ATF6: variants seen among roughly 807,000 people sequenced by gnomAD.
ATF6 encodes the protein activating transcription factor 6.
ATF6 carries 53 observed loss-of-function variants against 83.6 expected under a neutral mutation model. That is an observed-to-expected ratio of 0.63 (90% CI 0.51 to 0.80). The LOEUF (loss-of-function observed/expected upper bound fraction) is 0.80, where lower values mean the gene tolerates loss of function less well. Among genes scored for constraint, ATF6 ranks in the 30% least tolerant of loss-of-function variants. The pLI is 0.00. For synonymous variants in ATF6, 288 were observed against 285.8 expected, an observed-to-expected ratio of 1.01 and a Z score of -0.08; for missense variants, 744 against 797.9, an observed-to-expected ratio of 0.93 and a Z score of 0.81.
intron 14 of ATF6, among the ~76,000 whole-genome samples, chr1:161,893,065 A>G (rs536126035): frequency 6.6e-6 from 1 of 152,206 alleles, no homozygotes; most frequent in Non-Finnish European, 1.5e-5. Flanking sequence ...TCCAGATTTC[A>G]TTTGCAGGTA....
chr1:161,814,602 T>C (rs1371935222), intron 7 of ATF6, among the ~76,000 whole-genome samples: 1 of 152,212 alleles, frequency 6.6e-6, no homozygotes, highest in Admixed American at 6.5e-5. Context: ...TCTTTAATTT[T>C]TGGCAAATGG....
chr1:161,824,172 T>C (rs1237562733), intron 9 of ATF6, among the ~76,000 whole-genome samples: 1 of 152,098 alleles, frequency 6.6e-6, no homozygotes. Flanking sequence ...AAAAATGTTA[T>C]TGTTAGCCTG....
chr1:161,911,659 C>T (rs1385896729), intron 14 of ATF6, among the ~76,000 whole-genome samples: 3 of 152,194 alleles, frequency 2.0e-5, no homozygotes, highest in Non-Finnish European at 4.4e-5. Context: ...ATGTCTAATT[C>T]TGTGGTCCCT....
chr1:161,883,206 A>ACTTACCCTTTTTCCATTTTG (rs1687354893), intron 14 of ATF6, among the ~76,000 whole-genome samples: 1 of 152,000 alleles, frequency 6.6e-6, no homozygotes, highest in Non-Finnish European at 1.5e-5. Context: ...GATAATTTAG[A>ACTTACCCTTTTTCCATTTTG]CTTACCCTTT....
Position 161,961,797 on chromosome 1 carries a change from A to T in ATF6, c.*3143A>T, listed in dbSNP as rs2101928502. The T allele has an allele frequency of 6.6e-6, 1 of 152,268 alleles. No homozygotes were observed. The highest frequency in any genetic ancestry group is 1.5e-5 in the Non-Finnish European group (1 of 68,006). 9.4% of individuals were successfully genotyped at this position (152,268 alleles called of 1,614,324 possible). ...GGAAGTGATGGTAGAGACTGATGGG[A>T]ATAGTCTTTCTGCCTGGTTGCAAGT... On this transcript the variant is annotated 3_prime_UTR_variant, in exon 16 of 16. Transcript: ENST00000367942.
At chr1:161,812,416 G>A (rs1176968254) in intron 7 of ATF6, among the ~76,000 whole-genome samples, 1 of 98,974 alleles carries the variant, frequency 1.0e-5, no homozygotes, top group Admixed American at 1.7e-4. Flanking sequence ...TTTTTGAGAC[G>A]GAGTCTCGCT....
chr1:161,910,825 A>G (rs1054328314), intron 14 of ATF6, among the ~76,000 whole-genome samples: 1 of 152,212 alleles, frequency 6.6e-6, no homozygotes, highest in African/African-American at 2.4e-5. Context: ...ATGCACTTAA[A>G]AAAACAAAAC....
intron 7 of ATF6, among the ~76,000 whole-genome samples, chr1:161,802,740 T>C (rs567519231): frequency 6.6e-6 from 1 of 152,232 alleles, no homozygotes; most frequent in Non-Finnish European, 1.5e-5. Flanking sequence ...TTCATAATGA[T>C]GACTAGCTAC....
chr1:161,817,872 C>T (rs1166151312), intron 7 of ATF6, among the ~76,000 whole-genome samples: 3 of 151,732 alleles, frequency 2.0e-5, no homozygotes, highest in Non-Finnish European at 4.4e-5. Context: ...CCGAGGCGGG[C>T]GGATCAGGAG....
chr1:161,817,940 A>G (rs1481314917), intron 7 of ATF6, among the ~76,000 whole-genome samples: 1 of 151,972 alleles, frequency 6.6e-6, no homozygotes, highest in African/African-American at 2.4e-5. Flanking sequence ...TACCAAAAAT[A>G]CACAAACAAA....
chr1:161,802,227 G>A lies in ATF6; in HGVS notation c.864G>A (p.Val288=), dbSNP rs769852963. 1.5e-5 allele frequency: 24 copies of A among 1,613,862 alleles called. No individual in the cohort carries two copies. The African/African-American group carries it at 1.7e-4, about 12-fold the overall frequency. ...GCCCAGTGAATGGAAAACTTTCCGTGACTAAACCTGTCCTACAAAGTACCA... is the reference window on the plus strand; with the variant it reads ...GCCCAGTGAATGGAAAACTTTCCGTAACTAAACCTGTCCTACAAAGTACCA... ...ANSPVNGKLS[V]TKPVLQSTMR... Residue 288 remains valine (V), a synonymous_variant, in exon 7 of 16, where the codon GTG becomes GTA. Coordinates refer to ENST00000367942, the MANE Select transcript of ATF6 (RefSeq NM_007348.4).
chr1:161,834,041 G>A lies in ATF6; in HGVS notation c.1188-12408G>A, dbSNP rs572649181. 2.6e-5 allele frequency among the ~76,000 whole-genome samples: 4 copies of A among 152,348 alleles called. 1 individual carries two copies. The South Asian group carries it at 8.3e-4, about 32-fold the overall frequency. On this transcript the variant is annotated intron_variant, in intron 9 of 15. Transcript: ENST00000367942. ...GTTACCCACAAAGGGAAGTCCATCA[G>A]ACTAACAGCTGATCTCTAGGCAGAA...
At chr1:161,949,560 G>A (rs766955556) in intron 15 of ATF6, among the ~76,000 whole-genome samples, 8 of 152,170 alleles carry the variant, frequency 5.3e-5, no homozygotes, top group African/African-American at 9.7e-5. Context: ...TTTAGCTCAC[G>A]GTTCTGCAGG....
chr1:161,924,556 T>A (rs1688272484), intron 15 of ATF6, among the ~76,000 whole-genome samples: 1 of 152,218 alleles, frequency 6.6e-6, no homozygotes, highest in Non-Finnish European at 1.5e-5. Context: ...CATAGAGATA[T>A]TTGCCTCTAT....
chr1:161,783,936 TTATTA>T, intron 3 of ATF6, 49 bp from the exon 4 acceptor site: 1 of 1,258,856 alleles, frequency 7.9e-7, no homozygotes, highest in Non-Finnish European at 1.1e-6. Flanking sequence ...CTTGTTCATT[TTATTA>T]TAAGTTTTTA....
chr1:161,862,245 TG>T (rs992810908), intron 13 of ATF6, among the ~76,000 whole-genome samples: 1 of 152,150 alleles, frequency 6.6e-6, no homozygotes, highest in Non-Finnish European at 1.5e-5. Flanking sequence ...AGTGAACAAA[TG>T]GAGTTATTTC....
At chr1:161,845,925 A>G (rs1377072859) in intron 9 of ATF6, among the ~76,000 whole-genome samples, 1 of 152,112 alleles carries the variant, frequency 6.6e-6, no homozygotes, top group African/African-American at 2.4e-5. Flanking sequence ...AGAAGTTTTT[A>G]CATATAAATA....
At chr1:161,769,801 A>G (rs1222555375) in intron 1 of ATF6, among the ~76,000 whole-genome samples, 1 of 151,698 alleles carries the variant, frequency 6.6e-6, no homozygotes, top group East Asian at 1.9e-4. Flanking sequence ...TAGGGTTCAC[A>G]CTCCTATGAG....
At chr1:161,860,426 A>G (rs200213799) in intron 13 of ATF6, 149 bp downstream of exon 13, 141 of 159,296 alleles carry the variant, frequency 8.9e-4, no homozygotes, top group Middle Eastern at 7.9e-3. Context: ...ATATATATGT[A>G]TATATATATA....
Sources: allele counts gnomAD v4.1 joint callset (sites outside exome capture counted in the v4.1 genomes callset), GRCh38; gene constraint gnomAD v4.1.1; transcripts MANE v1.5; gene names NCBI Gene and HGNC (gene_info 2026-07-23, HGNC 2026-07-21).